ASIC2: variants seen among roughly 807,000 people sequenced by gnomAD.
ASIC2 encodes the protein acid-sensing ion channel 2.
ASIC2 carries 25 observed loss-of-function variants against 57.3 expected under a neutral mutation model. The observed-to-expected ratio is 0.44, with a 90% CI of 0.32 to 0.61. The LOEUF (loss-of-function observed/expected upper bound fraction) is 0.61, where lower values mean the gene tolerates loss of function less well. Ranked by LOEUF, ASIC2 falls within the 20% of genes least tolerant of loss-of-function variation. The probability of loss-of-function intolerance (pLI) is 0.06; values close to 1 mark genes in which losing one functional copy is unlikely to be tolerated. For missense variants in ASIC2, 641 were observed against 738.1 expected (o/e 0.87, Z 1.52); for synonymous variants, 319 against 307.5 (o/e 1.04, Z -0.39).
intron 1 of ASIC2, among the ~76,000 whole-genome samples, chr17:33,643,146 T>A (rs1446780227): frequency 1.7e-5 from 1 of 58,104 alleles, no homozygotes; most frequent in African/African-American, 9.8e-5. Flanking sequence ...ACATGCTCAT[T>A]TCCCCCCCCC....
At chr17:33,762,018 A>T (rs890274608) in intron 1 of ASIC2, among the ~76,000 whole-genome samples, 3 of 152,142 alleles carry the variant, frequency 2.0e-5, no homozygotes, top group Non-Finnish European at 2.9e-5. Flanking sequence ...AAACTGGTTC[A>T]CTGACAAATG....
chr17:33,706,468 C>T (rs1038428741), intron 1 of ASIC2, among the ~76,000 whole-genome samples: 2 of 151,910 alleles, frequency 1.3e-5, no homozygotes, highest in Admixed American at 6.6e-5. Flanking sequence ...AAGCAATCCA[C>T]CCACCTTCAC....
chr17:33,430,624 A>G lies in ASIC2; in HGVS notation c.556-318557T>C, dbSNP rs145833223. On this transcript the variant is annotated intron_variant, in intron 1 of 9. Coordinates refer to the ASIC2 transcript ENST00000359872. ...ACCTGGAAAGCCCATGGTCCATCTA[A>G]TTGTGAATGCAGCTACTCAGTTCCA... 2.6e-4 allele frequency among the ~76,000 whole-genome samples: 40 copies of G among 152,230 alleles called. No individual in the cohort carries two copies. The East Asian group carries it at 6.6e-3, about 25-fold the overall frequency.
At chr17:34,136,986 CT>C (rs1051911304) in intron 1 of ASIC2, among the ~76,000 whole-genome samples, 2 of 152,188 alleles carry the variant, frequency 1.3e-5, no homozygotes, top group African/African-American at 4.8e-5. Context: ...GCTCTTTTCA[CT>C]TGTTATATTC....
Position 33,250,418 on chromosome 17 carries a change from G to A in ASIC2, c.708+40990C>T, listed in dbSNP as rs112574048. On this transcript the variant is annotated intron_variant, in intron 1 of 9. Transcript: ENST00000225823. ...CCATCTTGTAAATGTGTGCCCAGCA[G>A]GGCCAGGGAAGATCATGCCACCAGC... is the stretch of plus-strand genomic sequence containing the variant. 1.2e-4 allele frequency among the ~76,000 whole-genome samples: 19 copies of A among 152,316 alleles called. 2 individuals are homozygous for A. Among genetic ancestry groups the A allele is most frequent in the African/African-American group, 4.6e-4 (19 of 41,590 alleles).
chr17:33,427,306 T>C (rs891174832), intron 1 of ASIC2, among the ~76,000 whole-genome samples: 2 of 152,176 alleles, frequency 1.3e-5, no homozygotes, highest in African/African-American at 4.8e-5. Flanking sequence ...AAAACAAAGA[T>C]TTGAACAAGT....
chr17:34,101,771 T>C (rs1910872873), intron 1 of ASIC2, among the ~76,000 whole-genome samples: 1 of 152,224 alleles, frequency 6.6e-6, no homozygotes, highest in South Asian at 2.1e-4. Flanking sequence ...ATATATCCTG[T>C]CGCTTGCTTT....
rs138116626 is a variant in ASIC2 at position 34,152,046 on chromosome 17, A to C, written c.555+3932T>G. Among the ~76,000 whole-genome samples the C allele has an allele frequency of 2.6e-3, 399 of 152,234 alleles. 4 individuals carry two copies. Among genetic ancestry groups the C allele is most frequent in the African/African-American group, 9.0e-3 (372 of 41,536 alleles). On this transcript the variant is annotated intron_variant, in intron 1 of 9. Coordinates refer to the ASIC2 transcript ENST00000359872. ...ATAATTTTTTTAAAAAAGATAGACT[A>C]GATTAGCTATGGACCCATTTGGCCT... is the stretch of plus-strand genomic sequence containing the variant.
In ASIC2 at chr17:33,675,707, G is replaced by A. The variant is rs559409762; in HGVS notation, c.555+480271C>T. Among the ~76,000 whole-genome samples the A allele has an allele frequency of 6.6e-5, 10 of 152,256 alleles. No homozygotes were observed. The Middle Eastern group carries it at 0.02, about 311-fold the overall frequency. ...CCACCTCAGCCTCTTGAGTAGCTGG[G>A]ACTACAGACGTGTACTACCACACCG... On this transcript the variant is annotated intron_variant, in intron 1 of 9. Transcript: ENST00000359872.
chr17:33,995,822 A>C (rs759351946), intron 1 of ASIC2, among the ~76,000 whole-genome samples: 1 of 152,194 alleles, frequency 6.6e-6, no homozygotes, highest in Non-Finnish European at 1.5e-5. Context: ...ACAGGAGTAC[A>C]GATATCTCTT....
chr17:33,865,873 C>A (rs532785372), intron 1 of ASIC2, among the ~76,000 whole-genome samples: 2 of 151,514 alleles, frequency 1.3e-5, no homozygotes, highest in Admixed American at 6.6e-5. Flanking sequence ...TTTACCAGCT[C>A]CCTACCACCA....
intron 1 of ASIC2, among the ~76,000 whole-genome samples, chr17:33,443,665 C>T (rs1005177654): frequency 5.9e-5 from 9 of 151,700 alleles, no homozygotes; most frequent in Non-Finnish European, 1.3e-4. Context: ...ATCCGCCCGC[C>T]TCGGCCTCCC....
chr17:33,222,749 A>G (rs995014313), intron 1 of ASIC2, among the ~76,000 whole-genome samples: 4 of 152,212 alleles, frequency 2.6e-5, no homozygotes, highest in Non-Finnish European at 5.9e-5. Context: ...ATATATTTAT[A>G]TGTTTCTTAA....
chr17:33,943,854 G>A (rs1916247659), intron 1 of ASIC2, among the ~76,000 whole-genome samples: 2 of 152,012 alleles, frequency 1.3e-5, no homozygotes, highest in South Asian at 2.1e-4. Flanking sequence ...CCGTTTTATT[G>A]GTGAAGAAGC....
intron 1 of ASIC2, among the ~76,000 whole-genome samples, chr17:33,438,742 C>T (rs778626225): frequency 4.0e-5 from 6 of 151,736 alleles, no homozygotes; most frequent in Admixed American, 6.6e-5. Context: ...GCTCCTTTGT[C>T]GTTAGAGAGC....
At chr17:33,697,412 T>G (rs1908561567) in intron 1 of ASIC2, among the ~76,000 whole-genome samples, 1 of 152,150 alleles carries the variant, frequency 6.6e-6, no homozygotes, top group Non-Finnish European at 1.5e-5. Context: ...AAAATCCACA[T>G]AGAAGTTGAC....
chr17:33,591,817 G>T (rs1904836567), intron 1 of ASIC2, among the ~76,000 whole-genome samples: 1 of 152,078 alleles, frequency 6.6e-6, no homozygotes, highest in Non-Finnish European at 1.5e-5. Context: ...CCCTCTCCTT[G>T]CTCGGTCCCC....
At chr17:33,124,486 C>T (rs1034607088) in intron 1 of ASIC2, among the ~76,000 whole-genome samples, 1 of 152,220 alleles carries the variant, frequency 6.6e-6, no homozygotes, top group Non-Finnish European at 1.5e-5. Context: ...TTGGCTGCCA[C>T]TATGGGTCCT....
intron 1 of ASIC2, among the ~76,000 whole-genome samples, chr17:33,489,958 C>A (rs2141933350): frequency 6.6e-6 from 1 of 152,304 alleles, no homozygotes; most frequent in East Asian, 1.9e-4. Context: ...CTTAACTGAA[C>A]TACCTATTCC....
Sources: gnomAD v4.1 joint callset for allele counts (sites outside exome capture counted in the v4.1 genomes callset) on GRCh38, gnomAD v4.1.1 for gene constraint, MANE v1.5 for transcripts, NCBI Gene and HGNC (gene_info 2026-07-23, HGNC 2026-07-21) for gene names.